TMEM178A: variants seen among roughly 807,000 people sequenced by gnomAD.
TMEM178A encodes transmembrane protein 178A.
TMEM178A carries 12 observed loss-of-function variants against 29.1 expected under a neutral mutation model. The ratio of observed to expected loss-of-function variants is 0.41; its 90% CI spans 0.26 to 0.67. The LOEUF (loss-of-function observed/expected upper bound fraction) is 0.67, where lower values mean the gene tolerates loss of function less well. Ranked by LOEUF, TMEM178A falls within the 30% of genes least tolerant of loss-of-function variation. The pLI is 0.29. For missense variants in TMEM178A, 366 were observed against 419.1 expected, an observed-to-expected ratio of 0.87 and a Z score of 1.11; for synonymous variants, 210 against 187.2, an observed-to-expected ratio of 1.12 and a Z score of -0.99.
chr2:39,728,865 A>T, the TMEM178A span, among the ~76,000 whole-genome samples: 2 of 152,210 alleles, frequency 1.3e-5, no homozygotes, highest in Non-Finnish European at 2.9e-5. Context: ...GGAGGCCAAA[A>T]CATTAAAAAT....
At chr2:39,702,572 G>A (rs1446077866) in intron 1 of TMEM178A, among the ~76,000 whole-genome samples, 1 of 151,814 alleles carries the variant, frequency 6.6e-6, no homozygotes, top group Non-Finnish European at 1.5e-5. Context: ...GGAAGCACAG[G>A]CATTTCCTGA....
chr2:39,666,413 C>A, intron 1 of TMEM178A, 39 bp downstream of exon 1: 1 of 1,286,966 alleles, frequency 7.8e-7, no homozygotes, highest in Admixed American at 3.5e-5. Flanking sequence ...GGCGCCCGCG[C>A]GTGGAGCGCA....
rs1446561461 is a variant in TMEM178A, at chr2:39,717,349, C to T, written c.*98C>T. The T allele has an allele frequency of 8.8e-6, 13 of 1,476,892 alleles. No homozygotes were observed. The highest frequency in any genetic ancestry group is 5.6e-5 in the African/African-American group (4 of 70,920). 91.5% of individuals were successfully genotyped at this position (1,476,892 alleles called of 1,614,324 possible). A position where few individuals can be genotyped will look rare whatever the true frequency, so the allele number is the denominator to read the frequency against. On this transcript the variant is annotated 3_prime_UTR_variant, in exon 4 of 4. Transcript: ENST00000281961. ...ACAAAGCGGTCTTTTACATTCCAACCTGTTGCCTGCCAGCCCTTTCTGGAT... is the reference window on the plus strand; with the variant it reads ...ACAAAGCGGTCTTTTACATTCCAACTTGTTGCCTGCCAGCCCTTTCTGGAT...
At chr2:39,711,559 G>A (rs1325008865) in intron 3 of TMEM178A, among the ~76,000 whole-genome samples, 2 of 152,168 alleles carry the variant, frequency 1.3e-5, no homozygotes, top group Non-Finnish European at 2.9e-5. Flanking sequence ...AGACAGAGAA[G>A]ACAGAGTCCA....
intron 1 of TMEM178A, among the ~76,000 whole-genome samples, chr2:39,674,857 T>C (rs1233556042): frequency 6.6e-6 from 1 of 152,122 alleles, no homozygotes; most frequent in African/African-American, 2.4e-5. Flanking sequence ...TACCTTTTCT[T>C]TCTGAAATTC....
chr2:39,702,690 A>T (rs968821325), intron 1 of TMEM178A, among the ~76,000 whole-genome samples: 5 of 152,070 alleles, frequency 3.3e-5, no homozygotes, highest in African/African-American at 1.2e-4. Context: ...AAAAAAAAGA[A>T]CTTCGAATTT....
intron 1 of TMEM178A, among the ~76,000 whole-genome samples, chr2:39,668,212 G>A (rs1368294148): frequency 6.6e-6 from 1 of 152,208 alleles, no homozygotes; most frequent in Non-Finnish European, 1.5e-5. Context: ...GGTCATTGAA[G>A]TTGAACATCT....
the TMEM178A span, among the ~76,000 whole-genome samples, chr2:39,725,957 GTCACAT>G: frequency 1.1e-4 from 16 of 152,142 alleles, no homozygotes; most frequent in African/African-American, 2.4e-5. Context: ...TCTTTGATTT[GTCACAT>G]CTCTATAGAG....
rs541019709 is a variant in TMEM178A, at chr2:39,716,549, G to T, written c.653-461G>T. 1.9e-4 allele frequency among the ~76,000 whole-genome samples: 29 copies of T among 152,262 alleles called. No individual in the cohort carries two copies. The South Asian group carries it at 6.0e-3, about 32-fold the overall frequency. ...CAACATGATAAATATTTATGATAAT[G>T]TTAATTGAAAAAGAAAGCAGATGTT... On this transcript the variant is annotated intron_variant, in intron 3 of 3. Transcript: ENST00000281961.
chr2:39,696,545 C>CCAAG (rs768558302), intron 1 of TMEM178A, among the ~76,000 whole-genome samples: 25 of 152,168 alleles, frequency 1.6e-4, no homozygotes, highest in Non-Finnish European at 2.8e-4. Context: ...GACGAGGGAA[C>CCAAG]CAAGGCTCAG....
At chr2:39,666,603 C>A (rs1355735684) in intron 1 of TMEM178A, among the ~76,000 whole-genome samples, 1 of 152,134 alleles carries the variant, frequency 6.6e-6, no homozygotes, top group Non-Finnish European at 1.5e-5. Flanking sequence ...TCCTGCGCGT[C>A]CTTTCAAGTC....
intron 2 of TMEM178A, among the ~76,000 whole-genome samples, chr2:39,705,828 C>A (rs1324713458): frequency 6.6e-6 from 1 of 152,174 alleles, no homozygotes; most frequent in African/African-American, 2.4e-5. Flanking sequence ...TGATCTGCAC[C>A]TTGTCTTGGC....
chr2:39,729,652 C>T, the TMEM178A span, among the ~76,000 whole-genome samples: 1 of 152,186 alleles, frequency 6.6e-6, no homozygotes, highest in Non-Finnish European at 1.5e-5. Context: ...ATGTCAAGAA[C>T]ATGATTTCTG....
chr2:39,713,034 C>T (rs1672381032), intron 3 of TMEM178A, among the ~76,000 whole-genome samples: 1 of 152,160 alleles, frequency 6.6e-6, no homozygotes, highest in Admixed American at 6.5e-5. Context: ...TTCTTCACTC[C>T]ATGTGCTCAG....
At chr2:39,698,807 G>A (rs550245896) in intron 1 of TMEM178A, among the ~76,000 whole-genome samples, 1 of 151,974 alleles carries the variant, frequency 6.6e-6, no homozygotes, top group Non-Finnish European at 1.5e-5. Flanking sequence ...TTTGTGGCAA[G>A]TTTTTACTAA....
At chr2:39,668,521 T>G (rs1299251686) in intron 1 of TMEM178A, among the ~76,000 whole-genome samples, 1 of 152,210 alleles carries the variant, frequency 6.6e-6, no homozygotes, top group Non-Finnish European at 1.5e-5. Flanking sequence ...TCGGTTTCCT[T>G]GTCTGTGGTA....
At chr2:39,708,720 T>A (rs1014297739) in intron 3 of TMEM178A, among the ~76,000 whole-genome samples, 21 of 151,928 alleles carry the variant, frequency 1.4e-4, no homozygotes, top group Non-Finnish European at 2.9e-4. Context: ...CCCGGCCGAT[T>A]TTTAAAGAAG....
chr2:39,702,146 G>A lies in TMEM178A; in HGVS notation c.401-1935G>A, dbSNP rs181053255. ...TGGGCATTTGAAATAACATACTATG[G>A]CAGCTCTGAAATTAGATTCTTGTCC... On this transcript the variant is annotated intron_variant, in intron 1 of 3. Transcript: ENST00000281961. 2.0e-5 allele frequency among the ~76,000 whole-genome samples: 3 copies of A among 151,934 alleles called. No individual in the cohort carries two copies. In the East Asian group the frequency reaches 5.8e-4, roughly 29 times the overall value.
At chr2:39,666,477 C>G in intron 1 of TMEM178A, 103 bp downstream of exon 1, 1 of 984,518 alleles carries the variant, frequency 1.0e-6, no homozygotes, top group Non-Finnish European at 1.3e-6. Flanking sequence ...CCAGCCGCGG[C>G]CCCGCGCCTG....
Sources: allele counts gnomAD v4.1 joint callset (sites outside exome capture counted in the v4.1 genomes callset), GRCh38; gene constraint gnomAD v4.1.1; transcripts MANE v1.5; gene names NCBI Gene and HGNC (gene_info 2026-07-23, HGNC 2026-07-21).